The following RANBP2 variants were observed in gnomAD, a reference collection of about 807,000 sequenced individuals.
The protein encoded by RANBP2 is E3 SUMO-protein ligase RanBP2.
Under a neutral mutation model 303.6 loss-of-function variants are expected in RANBP2, and 57 were observed. The ratio of observed to expected loss-of-function variants is 0.19; its 90% CI spans 0.15 to 0.23. The LOEUF is 0.23. Ranked by LOEUF, RANBP2 falls within the 10% of genes least tolerant of loss-of-function variation. The probability of loss-of-function intolerance (pLI) is 1.00; values close to 1 mark genes in which losing one functional copy is unlikely to be tolerated. For synonymous variants in RANBP2, 1,167 were observed against 1,301.5 expected (o/e 0.90, Z 2.23); for missense variants, 3,138 against 3,780.8 (o/e 0.83, Z 4.46).
At chr2:109,624,622 C>T in the RANBP2 span, among the ~76,000 whole-genome samples, 2 of 152,212 alleles carry the variant, frequency 1.3e-5, no homozygotes, top group African/African-American at 4.8e-5. Flanking sequence ...AGAGAACTCT[C>T]ATACACAGAA....
the RANBP2 span, among the ~76,000 whole-genome samples, chr2:109,296,598 C>T: frequency 6.6e-6 from 1 of 152,118 alleles, no homozygotes; most frequent in East Asian, 1.9e-4. Context: ...CCTTAACATC[C>T]ACCTGTGGCT....
the RANBP2 span, among the ~76,000 whole-genome samples, chr2:109,578,857 T>C: frequency 6.6e-6 from 1 of 152,210 alleles, no homozygotes; most frequent in Non-Finnish European, 1.5e-5. Flanking sequence ...TACAGGGTAG[T>C]TTATAATACT....
At chr2:109,165,225 G>T in the RANBP2 span, among the ~76,000 whole-genome samples, 1 of 152,136 alleles carries the variant, frequency 6.6e-6, no homozygotes, top group Admixed American at 6.5e-5. Context: ...ATCCTGCAAA[G>T]AAGTCTTTAC....
the RANBP2 span, among the ~76,000 whole-genome samples, chr2:108,825,083 A>G: frequency 6.6e-6 from 1 of 152,210 alleles, no homozygotes; most frequent in East Asian, 1.9e-4. Flanking sequence ...TAGCAACACA[A>G]GGAATCATGC....
chr2:109,347,734 G>A, the RANBP2 span: 1 of 1,613,958 alleles, frequency 6.2e-7, no homozygotes. Context: ...GGAACCTGGT[G>A]ACCTCAAGTT....
the RANBP2 span, among the ~76,000 whole-genome samples, chr2:109,520,330 C>T: frequency 2.0e-5 from 3 of 151,978 alleles, no homozygotes; most frequent in Non-Finnish European, 4.4e-5. Context: ...TGGCCAGGCG[C>T]GGTGGCTCAT....
At chr2:109,719,409 CTTT>C in the RANBP2 span, among the ~76,000 whole-genome samples, 24 of 125,268 alleles carry the variant, frequency 1.9e-4, no homozygotes, top group East Asian at 2.4e-4. Context: ...TGTGATATAT[CTTT>C]TTTTTTTTTT....
the RANBP2 span, among the ~76,000 whole-genome samples, chr2:109,215,180 T>C: frequency 2.0e-5 from 3 of 152,216 alleles, no homozygotes; most frequent in Non-Finnish European, 4.4e-5. Flanking sequence ...ATTGCTCAAT[T>C]ATGGAATAAG....
chr2:108,869,261 C>T, the RANBP2 span, among the ~76,000 whole-genome samples: 3 of 152,146 alleles, frequency 2.0e-5, no homozygotes, highest in Non-Finnish European at 4.4e-5. Context: ...AAGCCACATG[C>T]AAAATGATAG....
chr2:108,908,999 G>C, the RANBP2 span, among the ~76,000 whole-genome samples: 5 of 152,162 alleles, frequency 3.3e-5, no homozygotes, highest in South Asian at 2.1e-4. Flanking sequence ...GGTGGAGCAG[G>C]TGAGGTGGCA....
chr2:109,703,833 C>T, the RANBP2 span, among the ~76,000 whole-genome samples: 2 of 152,196 alleles, frequency 1.3e-5, no homozygotes, highest in African/African-American at 4.8e-5. Flanking sequence ...CCTAAAACAC[C>T]ACTTTGCAAA....
the RANBP2 span, among the ~76,000 whole-genome samples, chr2:109,464,117 G>A: frequency 6.6e-6 from 1 of 152,154 alleles, no homozygotes; most frequent in Non-Finnish European, 1.5e-5. Flanking sequence ...TTTTACAGGG[G>A]ATCATTCAGT....
the RANBP2 span, among the ~76,000 whole-genome samples, chr2:109,581,056 T>C: frequency 2.0e-5 from 3 of 152,240 alleles, no homozygotes; most frequent in East Asian, 1.9e-4. Flanking sequence ...AAAATACCCA[T>C]GACTACGGCC....
chr2:109,652,937 C>T, the RANBP2 span, among the ~76,000 whole-genome samples: 3 of 152,152 alleles, frequency 2.0e-5, no homozygotes, highest in Admixed American at 1.3e-4. Context: ...CTGGGCTCGT[C>T]TTCAATAAGG....
At chr2:109,108,377 A>T in the RANBP2 span, among the ~76,000 whole-genome samples, 2 of 152,160 alleles carry the variant, frequency 1.3e-5, no homozygotes, top group Non-Finnish European at 2.9e-5. Context: ...TTATCAATTT[A>T]TATTTAGGTG....
chr2:108,860,596 T>TTTTACATTTACATTTACTTTTACA, the RANBP2 span, among the ~76,000 whole-genome samples: 1 of 152,002 alleles, frequency 6.6e-6, no homozygotes, highest in African/African-American at 2.4e-5. Flanking sequence ...TTAATTCTCT[T>TTTTACATTTACATTTACTTTTACA]TTTACATTTA....
At chr2:109,516,171 A>G in the RANBP2 span, among the ~76,000 whole-genome samples, 2 of 151,978 alleles carry the variant, frequency 1.3e-5, no homozygotes, top group East Asian at 3.9e-4. Context: ...TGGGCTGCTG[A>G]GCCCACCAGG....
At chr2:108,770,087 G>C (rs1478468709) in intron 20 of RANBP2, among the ~76,000 whole-genome samples, 3 of 152,190 alleles carry the variant, frequency 2.0e-5, no homozygotes, top group Non-Finnish European at 4.4e-5. Context: ...TACAGTTTCT[G>C]TGAGCTCTAG....
chr2:109,499,580 G>A, the RANBP2 span, among the ~76,000 whole-genome samples: 2 of 152,204 alleles, frequency 1.3e-5, no homozygotes, highest in Non-Finnish European at 2.9e-5. Context: ...GCTAGTGGGA[G>A]TGGGGATGGG....
Sources: allele counts gnomAD v4.1 joint callset (sites outside exome capture counted in the v4.1 genomes callset), GRCh38; gene constraint gnomAD v4.1.1; transcripts MANE v1.5; gene names NCBI Gene and HGNC (gene_info 2026-07-23, HGNC 2026-07-21).